Variants in FBXW7 observed in about 807,000 individuals in gnomAD.
FBXW7 encodes the protein F-box/WD repeat-containing protein 7.
FBXW7 carries 11 observed loss-of-function variants against 86.3 expected under a neutral mutation model. That is an observed-to-expected ratio of 0.13 (90% CI 0.08 to 0.21). The LOEUF (loss-of-function observed/expected upper bound fraction) is 0.21, where lower values mean the gene tolerates loss of function less well. Ranked by LOEUF, FBXW7 falls within the 10% of genes least tolerant of loss-of-function variation. The probability of loss-of-function intolerance (pLI) is 1.00; values close to 1 mark genes in which losing one functional copy is unlikely to be tolerated. For synonymous variants in FBXW7, 313 were observed against 297.9 expected, an observed-to-expected ratio of 1.05 and a Z score of -0.52; for missense variants, 488 against 847.4, an observed-to-expected ratio of 0.58 and a Z score of 5.27.
intron 2 of FBXW7, among the ~76,000 whole-genome samples, chr4:152,501,575 T>C (rs1373116633): frequency 1.3e-5 from 2 of 152,204 alleles, no homozygotes; most frequent in African/African-American, 2.4e-5. Flanking sequence ...TACTTAATTT[T>C]AGAAATTGTA....
At chr4:152,328,168 T>C (rs780565252) in intron 11 of FBXW7, 40 bp downstream of exon 11, 5 of 1,546,896 alleles carry the variant, frequency 3.2e-6, no homozygotes, top group Non-Finnish European at 4.4e-6. Flanking sequence ...TCACCAATAA[T>C]AGAGGAAGAA....
chr4:152,416,811 T>G (rs957735674), intron 2 of FBXW7, among the ~76,000 whole-genome samples: 3 of 152,218 alleles, frequency 2.0e-5, no homozygotes, highest in Non-Finnish European at 2.9e-5. Context: ...AATATATATT[T>G]TTTGTTATTT....
intron 2 of FBXW7, among the ~76,000 whole-genome samples, chr4:152,443,893 G>A (rs1040948392): frequency 6.6e-6 from 1 of 152,064 alleles, no homozygotes; most frequent in Non-Finnish European, 1.5e-5. Flanking sequence ...TGAGTCTAAG[G>A]TATAGTAGAA....
chr4:152,466,749 T>C (rs1350399458), intron 2 of FBXW7, among the ~76,000 whole-genome samples: 1 of 152,016 alleles, frequency 6.6e-6, no homozygotes, highest in African/African-American at 2.4e-5. Context: ...GAGACCATCC[T>C]GGCTAACATG....
At chr4:152,469,765 CAA>C (rs1743785130) in intron 2 of FBXW7, among the ~76,000 whole-genome samples, 1 of 151,798 alleles carries the variant, frequency 6.6e-6, no homozygotes. Flanking sequence ...ACATAAAGAA[CAA>C]GAGAGAAAAG....
chr4:152,428,351 G>A (rs542127600), intron 2 of FBXW7, among the ~76,000 whole-genome samples: 4 of 152,138 alleles, frequency 2.6e-5, no homozygotes, highest in South Asian at 2.1e-4. Flanking sequence ...AAATTCAACC[G>A]GGAGCTTTTT....
chr4:152,323,222 A>C, intron 13 of FBXW7, 73 bp from the exon 14 acceptor site: 1 of 1,477,940 alleles, frequency 6.8e-7, no homozygotes, highest in Non-Finnish European at 9.2e-7. Context: ...TATAATTTGT[A>C]GACTTCTACT....
At chr4:152,373,838 T>C (rs974363049) in intron 4 of FBXW7, among the ~76,000 whole-genome samples, 1 of 152,030 alleles carries the variant, frequency 6.6e-6, no homozygotes, top group Non-Finnish European at 1.5e-5. Context: ...GGGATCATCA[T>C]CTTATTTATA....
In FBXW7 at chr4:152,375,210, GA is replaced by G. The variant is rs1024855698; in HGVS notation, c.502-25087del. Among the ~76,000 whole-genome samples the G allele has an allele frequency of 3.2e-4, 49 of 152,174 alleles. 1 individual carries two copies. The highest frequency in any genetic ancestry group is 1.2e-3 in the African/African-American group (49 of 41,532). On this transcript the variant is annotated intron_variant, in intron 4 of 13. Transcript: ENST00000281708. ...CTGGCAGCTGCTCCTGCTAGCATGA[GA>G]AGTACTCTTACAGTAGAGATTATTA...
chr4:152,394,092 C>G (rs746411616), intron 4 of FBXW7, among the ~76,000 whole-genome samples: 9 of 152,056 alleles, frequency 5.9e-5, no homozygotes, highest in Non-Finnish European at 1.3e-4. Context: ...GAAGTGTTCT[C>G]TAAAATGTAT....
chr4:152,399,271 T>A (rs777628574), intron 4 of FBXW7, among the ~76,000 whole-genome samples: 1 of 151,988 alleles, frequency 6.6e-6, no homozygotes, highest in Non-Finnish European at 1.5e-5. Flanking sequence ...CATTAAGAAA[T>A]AGGATAGAAG....
intron 6 of FBXW7, among the ~76,000 whole-genome samples, chr4:152,345,466 A>C (rs1466925559): frequency 6.6e-6 from 1 of 152,176 alleles, no homozygotes; most frequent in African/African-American, 2.4e-5. Flanking sequence ...CTTTAGTACC[A>C]TTGACATTTT....
rs1358050698 is a variant in FBXW7 at position 152,535,041 on chromosome 4, AG to A, written c.-212-9del. On this transcript the variant is annotated splice_polypyrimidine_tract_variant and intron_variant, in intron 1 of 13. Transcript: ENST00000281708. Reference sequence around the variant, plus strand: ...GAAGGCTCCGGCGCGGTACTGAGGAAGAAGCGGTGCTCGTGTCGCTAAACCA... The same window carrying A: ...GAAGGCTCCGGCGCGGTACTGAGGAAAAGCGGTGCTCGTGTCGCTAAACCA... 6.6e-6 allele frequency: 1 copy of A among 152,262 alleles called. No homozygotes were observed. The highest frequency in any genetic ancestry group is 1.5e-5 in the Non-Finnish European group (1 of 68,124). 9.4% of individuals were successfully genotyped at this position (152,262 alleles called of 1,614,324 possible). A position where few individuals can be genotyped will look rare whatever the true frequency, so the allele number is the denominator to read the frequency against.
intron 7 of FBXW7, among the ~76,000 whole-genome samples, chr4:152,334,094 T>C (rs543241188): frequency 2.0e-5 from 3 of 152,160 alleles, no homozygotes; most frequent in East Asian, 3.9e-4. Flanking sequence ...TCATCATTAA[T>C]TACATATGTA....
At chr4:152,363,770 T>C (rs1245494808) in intron 4 of FBXW7, among the ~76,000 whole-genome samples, 3 of 152,172 alleles carry the variant, frequency 2.0e-5, no homozygotes, top group Non-Finnish European at 4.4e-5. Flanking sequence ...TTAACAACTT[T>C]CTGCAGAAAG....
Position 152,322,379 on chromosome 4 carries a change from A to C in FBXW7, c.*502T>G, listed in dbSNP as rs1446606957. ...TAACTGTACAAAAACAATTCACAGT[A>C]ATTTTTTTAAGCTTTTCCACTCCAG... On this transcript the variant is annotated 3_prime_UTR_variant, in exon 14 of 14. Transcript: ENST00000281708. The C allele has an allele frequency of 1.3e-5, 3 of 234,564 alleles. No individual in the cohort carries two copies. Among genetic ancestry groups the C allele is most frequent in the African/African-American group, 6.6e-5 (3 of 45,298 alleles). 14.5% of individuals were successfully genotyped at this position (234,564 alleles called of 1,614,324 possible). A position where few individuals can be genotyped will look rare whatever the true frequency, so the allele number is the denominator to read the frequency against.
At chr4:152,323,949 C>T in intron 13 of FBXW7, 1 of 463,708 alleles carries the variant, frequency 2.2e-6, no homozygotes, top group South Asian at 2.7e-5. Context: ...TAAGTAGAGT[C>T]AATTGAACAT....
intron 2 of FBXW7, among the ~76,000 whole-genome samples, chr4:152,429,764 G>A (rs1487012596): frequency 6.6e-6 from 1 of 152,216 alleles, no homozygotes; most frequent in East Asian, 1.9e-4. Context: ...GGGATTAAAT[G>A]AATATGCAGT....
intron 2 of FBXW7, among the ~76,000 whole-genome samples, chr4:152,417,314 A>C (rs75083488): frequency 0.014 from 2,082 of 152,252 alleles, 26 homozygotes; most frequent in Middle Eastern, 0.037. Flanking sequence ...TATTTTCTCT[A>C]TTTCAGTGAA....
Sources: allele counts gnomAD v4.1 joint callset (sites outside exome capture counted in the v4.1 genomes callset), GRCh38; gene constraint gnomAD v4.1.1; transcripts MANE v1.5; gene names NCBI Gene and HGNC (gene_info 2026-07-23, HGNC 2026-07-21).